The following CDK11A variants were observed in gnomAD, a reference collection of about 807,000 sequenced individuals.
CDK11A encodes cyclin dependent kinase 11A.
In CDK11A, 55 loss-of-function variants were observed where a neutral mutation model predicts 83.6. The observed-to-expected ratio is 0.66, with a 90% CI of 0.53 to 0.82. The LOEUF is 0.82. Among genes scored for constraint, CDK11A ranks in the 40% least tolerant of loss-of-function variants. CDK11A has a pLI of 0.00. For synonymous variants in CDK11A, 247 were observed against 302.7 expected (o/e 0.82, Z 1.91); for missense variants, 564 against 810.1 (o/e 0.70, Z 3.69).
chr1:1,707,483 A>G lies in CDK11A; in HGVS notation c.1171T>C (p.Tyr391His). 1 of 1,606,800 alleles carries G rather than the reference A, an allele frequency of 6.2e-7. No individual in the cohort carries two copies. The highest frequency in any genetic ancestry group is 8.5e-7 in the Non-Finnish European group (1 of 1,175,614). Residue 391 changes from tyrosine (Y) to histidine (H), a missense_variant, in exon 11 of 20, where the codon TAT (tyrosine) becomes CAT (histidine). This residue lies in a region of CDK11A where 361 missense variants were observed against 402.7 expected (regional missense o/e 0.90). Coordinates refer to ENST00000404249, the MANE Select transcript of CDK11A (RefSeq NM_024011.4). ...AACAGGGCAGGGGAGTCGGGCACAT[A>G]GTCGCCCTCTGTCAGGGCGCTGCTC... ...PQSSALTEGD[Y>H]VPDSPALLPI...
chr1:1,723,513 A>C lies in CDK11A; in HGVS notation c.-13-682T>G, dbSNP rs1456721670. ...CAAAAAAAAAAAAAAAAAAAAAAAAAAAAAAAAAAACAAGAATGATAAGTT... is the reference window on the plus strand; with the variant it reads ...CAAAAAAAAAAAAAAAAAAAAAAAACAAAAAAAAAACAAGAATGATAAGTT... On this transcript the variant is annotated intron_variant, in intron 1 of 19. Coordinates refer to ENST00000404249, the MANE Select transcript of CDK11A (RefSeq NM_024011.4). Among the ~76,000 whole-genome samples, 79 of 60,836 alleles carry C rather than the reference A, an allele frequency of 1.3e-3. 6 individuals carry two copies. Among genetic ancestry groups the C allele is most frequent in the African/African-American group, 3.2e-3 (75 of 23,114 alleles). The allele number at this position is 60,836 out of a possible 152,430, so 39.9% of individuals were successfully genotyped here.
intron 11 of CDK11A, 77 bp from the exon 12 acceptor site, chr1:1,705,809 CACACCCA>C (rs1644284798): frequency 1.9e-6 from 1 of 514,316 alleles, no homozygotes; most frequent in African/African-American, 4.8e-5. Context: ...ACAGGCACGG[CACACCCA>C]GCACGGGGCA....
chr1:1,719,295 A>G, intron 4 of CDK11A, 33 bp downstream of exon 4: 1 of 1,479,074 alleles, frequency 6.8e-7, no homozygotes, highest in South Asian at 1.4e-5. Flanking sequence ...CCACACTTGA[A>G]CATGATGTCA....
rs36172271 is a variant in CDK11A at position 1,717,882 on chromosome 1, A to G, written c.356-1404T>C. Among the ~76,000 whole-genome samples the G allele has an allele frequency of 9.6e-5, 14 of 145,292 alleles. 3 individuals are homozygous for G. The highest frequency in any genetic ancestry group is 3.4e-4 in the Admixed American group (5 of 14,538). On this transcript the variant is annotated intron_variant, in intron 4 of 19. Coordinates refer to ENST00000404249, the MANE Select transcript of CDK11A (RefSeq NM_024011.4). ...CTGTGACACACGCATGCTTTCAGCT[A>G]GAGTTTGCTCTCTCTGGTTTTCAGT... is the stretch of plus-strand genomic sequence containing the variant.
intron 11 of CDK11A, among the ~76,000 whole-genome samples, chr1:1,705,999 T>C (rs1030616031): frequency 6.6e-6 from 1 of 150,456 alleles, no homozygotes; most frequent in Non-Finnish European, 1.5e-5. Context: ...TTCCAGCACT[T>C]TGGGAGGGCA....
intron 5 of CDK11A, among the ~76,000 whole-genome samples, chr1:1,715,816 A>G (rs1356679559): frequency 6.6e-6 from 1 of 151,022 alleles, no homozygotes; most frequent in African/African-American, 2.4e-5. Context: ...GGCTACACCG[A>G]TGTTCTTTCT....
chr1:1,707,514 C>T lies in CDK11A; in HGVS notation c.1140G>A (p.Thr380=), dbSNP rs372311781. 9.4e-6 allele frequency: 15 copies of T among 1,603,354 alleles called. No homozygotes were observed. Among genetic ancestry groups the T allele is most frequent in the African/African-American group, 4.1e-5 (3 of 72,942 alleles). The change falls in exon 11 of 20, where the codon ACG becomes ACA. Residue 380 remains threonine (T), a synonymous_variant. Coordinates refer to ENST00000404249, the MANE Select transcript of CDK11A (RefSeq NM_024011.4). ...CCTCTGTCAGGGCGCTGCTCTGCGGCGTTCCCTCACCCACTTCTTCCTCTG... is the reference window on the plus strand; with the variant it reads ...CCTCTGTCAGGGCGCTGCTCTGCGGTGTTCCCTCACCCACTTCTTCCTCTG... ...EEAEEEVGEG[T]PQSSALTEGD... is the part of the protein sequence containing the mutation.
At chr1:1,710,695 TA>T (rs201023950) in intron 6 of CDK11A, among the ~76,000 whole-genome samples, 1,691 of 150,390 alleles carry the variant, frequency 0.011, 3 homozygotes, top group African/African-American at 0.035. Context: ...GGAACTGTCT[TA>T]AACCTTCAGT....
chr1:1,708,496 C>A (rs1371158979), intron 9 of CDK11A, among the ~76,000 whole-genome samples: 2 of 122,570 alleles, frequency 1.6e-5, no homozygotes, highest in Non-Finnish European at 3.7e-5. Context: ...CAAAAATTAT[C>A]CGGGCGTGGT....
intron 3 of CDK11A, among the ~76,000 whole-genome samples, chr1:1,721,205 A>G (rs1644892817): frequency 6.6e-6 from 1 of 150,760 alleles, no homozygotes; most frequent in Non-Finnish European, 1.5e-5. Context: ...CTCAAAAAAA[A>G]AAAGAGTACA....
chr1:1,720,183 C>T (rs11260627), intron 3 of CDK11A, among the ~76,000 whole-genome samples: 120,582 of 149,524 alleles, frequency 0.81, 51,058 homozygotes, highest in Non-Finnish European at 0.93. Flanking sequence ...CAAGCTCTAC[C>T]TCCTGGGTTC....
In CDK11A at chr1:1,703,176, G is replaced by A; in HGVS notation, c.2154C>T (p.Ser718=). 2.4e-6 allele frequency: 1 copy of A among 418,612 alleles called. No homozygotes were observed. The allele number at this position is 418,612 out of a possible 1,614,324, so 25.9% of individuals were successfully genotyped here. The change falls in exon 19 of 20, where the codon TCC becomes TCT. Residue 718 remains serine (S), a synonymous_variant. Coordinates refer to ENST00000404249, the MANE Select transcript of CDK11A (RefSeq NM_024011.4). ...TCTTGGCGGGCCACGTGGGGAACATGGAGGGGTCGATGGGGAGGGGGGTCT... is the reference window on the plus strand; with the variant it reads ...TCTTGGCGGGCCACGTGGGGAACATAGAGGGGTCGATGGGGAGGGGGGTCT... ...FRETPLPIDP[S]MFPTWPAKSE... is the part of the protein sequence containing the mutation.
At chr1:1,705,166 T>C in intron 12 of CDK11A, 141 bp from the exon 13 acceptor site, 2 of 1,298,810 alleles carry the variant, frequency 1.5e-6, no homozygotes, top group Non-Finnish European at 2.0e-6. Context: ...TGGGGGCACG[T>C]GGGCACCAGG....
chr1:1,706,219 C>T (rs1326151563), intron 11 of CDK11A, among the ~76,000 whole-genome samples: 2 of 150,276 alleles, frequency 1.3e-5, no homozygotes, highest in African/African-American at 2.4e-5. Context: ...AGTATAGGTA[C>T]GCACCACCAC....
intron 11 of CDK11A, among the ~76,000 whole-genome samples, chr1:1,707,058 T>A (rs1201971316): frequency 7.0e-6 from 1 of 143,086 alleles, no homozygotes; most frequent in East Asian, 2.0e-4. Flanking sequence ...CCTTGGTGCC[T>A]ACATAACCCG....
In CDK11A at chr1:1,703,916, A is replaced by G; in HGVS notation, c.1819T>C (p.Trp607Arg). The stretch of plus-strand genomic sequence containing the variant: ...TCCCCGAAGATGCAGCCCACTGACC[A>G]CATGTCCACGGCCGTGGAGTATTCC... ...AKEYSTAVDM[W>R]SVGCIFGELL... Residue 607 changes from tryptophan (W) to arginine (R), a missense_variant, in exon 17 of 20, where the codon TGG becomes CGG. By Grantham distance (101) the Trp-to-Arg change is moderately radical. Coordinates refer to ENST00000404249, the MANE Select transcript of CDK11A (RefSeq NM_024011.4). 2 of 1,609,638 alleles carry G rather than the reference A, an allele frequency of 1.2e-6. No homozygotes were observed. Among genetic ancestry groups the G allele is most frequent in the Non-Finnish European group, 1.7e-6 (2 of 1,176,936 alleles).
At chr1:1,722,413 T>C in intron 2 of CDK11A, 3 of 548,314 alleles carry the variant, frequency 5.5e-6, no homozygotes, top group Non-Finnish European at 9.6e-6. Flanking sequence ...TAAAAATACT[T>C]AGAGATAGTA....
chr1:1,702,934 C>G lies in CDK11A; in HGVS notation c.2316G>C (p.Ala772=). 1 of 483,482 alleles carries G rather than the reference C, an allele frequency of 2.1e-6. No individual in the cohort carries two copies. The highest frequency in any genetic ancestry group is 3.1e-5 in the East Asian group (1 of 32,056). The allele number at this position is 483,482 out of a possible 1,614,324, so 29.9% of individuals were successfully genotyped here. A position where few individuals can be genotyped will look rare whatever the true frequency, so the allele number is the denominator to read the frequency against. The change falls in exon 20 of 20, where the codon GCG becomes GCC. Residue 772 remains alanine (A), a synonymous_variant. Coordinates refer to ENST00000404249, the MANE Select transcript of CDK11A (RefSeq NM_024011.4). Reference sequence around the variant, plus strand: ...AGAACTTGAGGCTGAAGCCGGGGCCCGCGGCAGAGGCCCCCTGGTTCGTGG... The same window carrying G: ...AGAACTTGAGGCTGAAGCCGGGGCCGGCGGCAGAGGCCCCCTGGTTCGTGG... ...LTTTNQGASA[A]GPGFSLKF
intron 4 of CDK11A, 31 bp downstream of exon 4, chr1:1,719,297 A>G (rs368486018): frequency 6.7e-7 from 1 of 1,482,076 alleles, no homozygotes; most frequent in Non-Finnish European, 9.0e-7. Context: ...ACACTTGAAC[A>G]TGATGTCAAA....
Sources: gnomAD v4.1 joint callset for allele counts (sites outside exome capture counted in the v4.1 genomes callset) on GRCh38, gnomAD v4.1.1 for gene constraint, gnomAD v4.1.1 regional missense constraint, MANE v1.5 for transcripts, NCBI Gene and HGNC (gene_info 2026-07-23, HGNC 2026-07-21) for gene names.